CDK6: variants seen among roughly 807,000 people sequenced by gnomAD.
The protein encoded by CDK6 is cyclin-dependent kinase 6.
Under a neutral mutation model 37.1 loss-of-function variants are expected in CDK6, and 6 were observed. The ratio of observed to expected loss-of-function variants is 0.16; its 90% confidence interval spans 0.09 to 0.32. The LOEUF is 0.32. Among genes scored for constraint, CDK6 ranks in the 10% least tolerant of loss-of-function variants. CDK6 has a pLI of 1.00. For missense variants in CDK6, 224 were observed against 418.9 expected (o/e 0.53, Z 4.06); for synonymous variants, 160 against 161.3 (o/e 0.99, Z 0.06).
At chr7:92,754,574 A>C (rs10) in intron 3 of CDK6, among the ~76,000 whole-genome samples, 146,139 of 152,306 alleles carry the variant, frequency 0.96, 70,143 homozygotes, top group Middle Eastern at 1. Flanking sequence ...GGTAATCAGA[A>C]TTTCACTAGA....
chr7:92,756,799 T>G (rs929878835), intron 3 of CDK6, among the ~76,000 whole-genome samples: 3 of 152,150 alleles, frequency 2.0e-5, no homozygotes, highest in African/African-American at 4.8e-5. Flanking sequence ...ATTCTCCATT[T>G]CAATTGGGCA....
intron 4 of CDK6, among the ~76,000 whole-genome samples, chr7:92,704,312 A>C (rs1797921963): frequency 6.6e-6 from 1 of 152,154 alleles, no homozygotes; most frequent in South Asian, 2.1e-4. Context: ...AACTTGAAGA[A>C]ATTTTAAATA....
At chr7:92,715,506 G>T (rs997626274) in intron 4 of CDK6, among the ~76,000 whole-genome samples, 3 of 152,122 alleles carry the variant, frequency 2.0e-5, no homozygotes, top group African/African-American at 7.2e-5. Context: ...ATTTATGAAG[G>T]ATTTAAAAAT....
intron 4 of CDK6, among the ~76,000 whole-genome samples, chr7:92,692,126 C>T (rs1475758140): frequency 2.6e-5 from 4 of 151,938 alleles, no homozygotes; most frequent in African/African-American, 9.7e-5. Context: ...ATTAGCCAGG[C>T]ATGGTGGCAC....
rs1795606234 is a variant in CDK6 at position 92,613,513 on chromosome 7, G to GA, written c.*1626_*1627insT. The GA allele has an allele frequency of 4.3e-6, 1 of 233,522 alleles. No individual in the cohort carries two copies. Among genetic ancestry groups the GA allele is most frequent in the African/African-American group, 2.2e-5 (1 of 45,350 alleles). 14.5% of individuals were successfully genotyped at this position (233,522 alleles called of 1,614,324 possible). A position where few individuals can be genotyped will look rare whatever the true frequency, so the allele number is the denominator to read the frequency against. On this transcript the variant is annotated 3_prime_UTR_variant, in exon 8 of 8. Transcript: ENST00000424848. ...AGGCAGAGATGGTATGAAATATAAA[G>GA]GACTGTAGAGAAAACAGTAAGAGAA... is the stretch of plus-strand genomic sequence containing the variant.
At chr7:92,626,825 G>C (rs1417529499) in intron 5 of CDK6, among the ~76,000 whole-genome samples, 2 of 152,074 alleles carry the variant, frequency 1.3e-5, no homozygotes, top group Admixed American at 6.6e-5. Context: ...TGAGATAGAT[G>C]GAGGTGGTGG....
rs1391437019 is a variant in CDK6, at chr7:92,833,082, C to G, written c.233+9G>C. 4 of 1,558,184 alleles carry G rather than the reference C, an allele frequency of 2.6e-6. No homozygotes were observed. Among genetic ancestry groups the G allele is most frequent in the Non-Finnish European group, 2.6e-6 (3 of 1,151,056 alleles). ...CCCCAGATGGCGAGGGCGCAGCTCCCTGGCTCACCTGACCACGTTGGGGTG... is the reference window on the plus strand; with the variant it reads ...CCCCAGATGGCGAGGGCGCAGCTCCGTGGCTCACCTGACCACGTTGGGGTG... On this transcript the variant is annotated intron_variant, in intron 2 of 7. Transcript: ENST00000424848. The surrounding 1 kb of genome is among the most constrained non-coding windows in gnomAD (Gnocchi z 6.1).
intron 5 of CDK6, among the ~76,000 whole-genome samples, chr7:92,652,901 A>G (rs1390580440): frequency 1.3e-5 from 2 of 152,220 alleles, no homozygotes; most frequent in Non-Finnish European, 2.9e-5. Flanking sequence ...ATATACAAAT[A>G]GAAACTGAAT....
At chr7:92,775,929 T>C (rs1799839240) in intron 2 of CDK6, among the ~76,000 whole-genome samples, 1 of 152,196 alleles carries the variant, frequency 6.6e-6, no homozygotes. Flanking sequence ...TTTTTTATTA[T>C]ATTTTAAGTT....
At chr7:92,769,882 A>G (rs966450697) in intron 3 of CDK6, among the ~76,000 whole-genome samples, 3 of 152,026 alleles carry the variant, frequency 2.0e-5, no homozygotes, top group African/African-American at 7.2e-5. Flanking sequence ...TTTTTTTCTC[A>G]TAAAGCTCCA....
Position 92,795,445 on chromosome 7 carries a change from A to C in CDK6, c.234-20614T>G, listed in dbSNP as rs547266343. Among the ~76,000 whole-genome samples, 18 of 152,276 alleles carry C rather than the reference A, an allele frequency of 1.2e-4. No homozygotes were observed. In the South Asian group the frequency reaches 3.7e-3, roughly 32 times the overall value. ...AAATCCTCTGGGTATCTTGCTAGTA[A>C]AAAAGTATACTCAGACCAAAACTAG... On this transcript the variant is annotated intron_variant, in intron 2 of 7. Transcript: ENST00000424848.
In CDK6 at chr7:92,614,703, ACACACACACACACACACACACACACATG is replaced by A. The variant is rs2116474976; in HGVS notation, c.*409_*436del. 9.8e-6 allele frequency: 2 copies of A among 204,760 alleles called. No homozygotes were observed. The highest frequency in any genetic ancestry group is 6.6e-5 in the African/African-American group (2 of 30,194). The allele number at this position is 204,760 out of a possible 1,614,324, so 12.7% of individuals were successfully genotyped here. On this transcript the variant is annotated 3_prime_UTR_variant, in exon 8 of 8. Coordinates refer to ENST00000424848, the MANE Select transcript of CDK6 (RefSeq NM_001145306.2). ...ATCACAGAATCTCTCACATACACAC[ACACACACACACACACACACACACACATG>A]CACACACACACTCAAAAGTACCAAA... is the stretch of plus-strand genomic sequence containing the variant.
At chr7:92,676,940 C>A (rs1797217545) in intron 4 of CDK6, among the ~76,000 whole-genome samples, 2 of 140,276 alleles carry the variant, frequency 1.4e-5, no homozygotes, top group Non-Finnish European at 3.0e-5. Context: ...GCCTGGGCGA[C>A]AGAGAGACTC....
At chr7:92,660,517 G>C (rs1796811788) in intron 5 of CDK6, among the ~76,000 whole-genome samples, 1 of 152,170 alleles carries the variant, frequency 6.6e-6, no homozygotes, top group Non-Finnish European at 1.5e-5. Context: ...AAAAGGTCTT[G>C]AGAGCCAAGG....
At chr7:92,781,680 CT>C (rs943431070) in intron 2 of CDK6, among the ~76,000 whole-genome samples, 8 of 152,132 alleles carry the variant, frequency 5.3e-5, no homozygotes, top group African/African-American at 1.7e-4. Flanking sequence ...TTTCCGGTCA[CT>C]TTTTTTTCCC....
chr7:92,614,265 T>G lies in CDK6; in HGVS notation c.*875A>C, dbSNP rs1377872164. The G allele has an allele frequency of 4.3e-6, 1 of 232,956 alleles. No individual in the cohort carries two copies. Among genetic ancestry groups the G allele is most frequent in the Non-Finnish European group, 8.5e-6 (1 of 117,954 alleles). The allele number at this position is 232,956 out of a possible 1,614,324, so 14.4% of individuals were successfully genotyped here. On this transcript the variant is annotated 3_prime_UTR_variant, in exon 8 of 8. Transcript: ENST00000424848. Reference sequence around the variant, plus strand: ...AGGAAATAAAGGCTTTCTATTCTTTTTTTTAAAATCTATCTGAGGTACACT... The same window carrying G: ...AGGAAATAAAGGCTTTCTATTCTTTGTTTTAAAATCTATCTGAGGTACACT...
At chr7:92,729,414 A>G (rs1194171152) in intron 3 of CDK6, among the ~76,000 whole-genome samples, 11 of 152,226 alleles carry the variant, frequency 7.2e-5, no homozygotes, top group Non-Finnish European at 2.9e-5. Context: ...CTGGTATAAA[A>G]AGTTTGAACA....
At chr7:92,729,915 C>CT (rs1178428646) in intron 3 of CDK6, among the ~76,000 whole-genome samples, 2 of 152,054 alleles carry the variant, frequency 1.3e-5, no homozygotes, top group Non-Finnish European at 2.9e-5. Flanking sequence ...ACTTTTTAAA[C>CT]TTTTTGTAGA....
chr7:92,704,357 A>C (rs1018239934), intron 4 of CDK6, among the ~76,000 whole-genome samples: 5 of 152,184 alleles, frequency 3.3e-5, no homozygotes, highest in Admixed American at 1.3e-4. Flanking sequence ...CAAGAGGTAG[A>C]CATAAGGCTT....
Sources: allele counts gnomAD v4.1 joint callset (sites outside exome capture counted in the v4.1 genomes callset), GRCh38; gene constraint gnomAD v4.1.1; non-coding constraint Gnocchi (gnomAD v3.1); transcripts MANE v1.5; gene names NCBI Gene and HGNC (gene_info 2026-07-23, HGNC 2026-07-21).